PLEKHH2: variants seen among roughly 807,000 people sequenced by gnomAD.
PLEKHH2 encodes the protein pleckstrin homology, MyTH4 and FERM domain containing H2.
In PLEKHH2, 129 loss-of-function variants were observed where a neutral mutation model predicts 187.9. The ratio of observed to expected loss-of-function variants is 0.69; its 90% CI spans 0.59 to 0.79. The LOEUF is 0.79. PLEKHH2 is among the 30% of genes least tolerant of loss of function. The pLI is 0.00. For synonymous variants in PLEKHH2, 686 were observed against 605.6 expected (o/e 1.13, Z -1.95); for missense variants, 2,076 against 1,751.2 (o/e 1.19, Z -3.31).
chr2:43,764,405 G>T (rs368842927), intron 29 of PLEKHH2, 40 bp downstream of exon 29: 2 of 1,595,014 alleles, frequency 1.3e-6, no homozygotes, highest in East Asian at 2.3e-5. Context: ...TGTCCTAGTT[G>T]TTTTCACTTA....
At chr2:43,645,899 G>A (rs1666160488) in intron 2 of PLEKHH2, among the ~76,000 whole-genome samples, 1 of 152,016 alleles carries the variant, frequency 6.6e-6, no homozygotes, top group Non-Finnish European at 1.5e-5. Flanking sequence ...GATGGAGATT[G>A]GTACATGTAT....
chr2:43,719,398 T>C (rs1385175617), intron 15 of PLEKHH2, among the ~76,000 whole-genome samples: 1 of 152,226 alleles, frequency 6.6e-6, no homozygotes, highest in East Asian at 1.9e-4. Flanking sequence ...ATGAATCTTT[T>C]ACATTTGGGA....
chr2:43,694,548 C>T (rs1181335514), intron 5 of PLEKHH2, 34 bp downstream of exon 5: 2 of 1,487,414 alleles, frequency 1.3e-6, no homozygotes, highest in Non-Finnish European at 1.8e-6. Context: ...TTTTCTTTAC[C>T]TTTTACTTCT....
chr2:43,749,635 G>C (rs1039702051), intron 24 of PLEKHH2, among the ~76,000 whole-genome samples: 1 of 152,160 alleles, frequency 6.6e-6, no homozygotes, highest in African/African-American at 2.4e-5. Context: ...CAACTGAAAG[G>C]CTTGATTTTT....
intron 7 of PLEKHH2, 143 bp from the exon 8 acceptor site, chr2:43,699,504 A>C: frequency 4.0e-6 from 4 of 990,562 alleles, no homozygotes; most frequent in Non-Finnish European, 5.9e-6. Context: ...CAGCCTCCCA[A>C]GTAGCTGGGA....
chr2:43,752,462 A>G (rs1672047514), intron 24 of PLEKHH2, among the ~76,000 whole-genome samples: 1 of 152,132 alleles, frequency 6.6e-6, no homozygotes, highest in South Asian at 2.1e-4. Context: ...AGAGATTCAG[A>G]CCTGCTGCCC....
intron 6 of PLEKHH2, among the ~76,000 whole-genome samples, chr2:43,696,641 C>T (rs540596942): frequency 1.3e-5 from 2 of 152,032 alleles, no homozygotes; most frequent in South Asian, 4.2e-4. Flanking sequence ...TTACCATAGA[C>T]CCAACCTCCC....
intron 19 of PLEKHH2, among the ~76,000 whole-genome samples, chr2:43,735,969 A>G (rs1671270402): frequency 1.3e-5 from 2 of 152,208 alleles, no homozygotes. Context: ...GAAATTTTAG[A>G]AACATTTCCA....
intron 15 of PLEKHH2, among the ~76,000 whole-genome samples, chr2:43,720,167 C>G (rs1188043084): frequency 6.6e-6 from 1 of 152,184 alleles, no homozygotes; most frequent in Non-Finnish European, 1.5e-5. Flanking sequence ...CTTTATCCAT[C>G]TGTGAAACCT....
rs1234276578 is a variant in PLEKHH2, at chr2:43,699,707, G to A, written c.749G>A (p.Arg250Lys). The part of the protein sequence containing the change: ...NQVLENNRGQ[R>K]TLHQTPCGSE... ...GTTCTAGAAAACAACAGAGGCCAGAGAACATTGCATCAAACCCCTTGTGGC... is the reference window on the plus strand; with the variant it reads ...GTTCTAGAAAACAACAGAGGCCAGAAAACATTGCATCAAACCCCTTGTGGC... The change falls in exon 8 of 30, where the codon AGA becomes AAA. Residue 250 changes from arginine (R) to lysine (K), a missense_variant. Arg to Lys is a conservative substitution (Grantham distance 26). Transcript: ENST00000282406. 6.2e-7 allele frequency: 1 copy of A among 1,614,184 alleles called. No individual in the cohort carries two copies. Among genetic ancestry groups the A allele is most frequent in the East Asian group, 2.2e-5 (1 of 44,890 alleles).
intron 2 of PLEKHH2, among the ~76,000 whole-genome samples, chr2:43,677,714 T>G (rs970896410): frequency 6.6e-6 from 1 of 151,596 alleles, no homozygotes; most frequent in African/African-American, 2.4e-5. Flanking sequence ...AGCTGTTGGG[T>G]ACACCTCCAA....
At chr2:43,760,653 G>A (rs1156775468) in intron 27 of PLEKHH2, among the ~76,000 whole-genome samples, 3 of 152,110 alleles carry the variant, frequency 2.0e-5, no homozygotes, top group South Asian at 2.1e-4. Flanking sequence ...GTGAGCCACC[G>A]CATCTGGCCC....
At chr2:43,637,717 C>T (rs1393848388) in intron 1 of PLEKHH2, among the ~76,000 whole-genome samples, 2 of 152,138 alleles carry the variant, frequency 1.3e-5, no homozygotes, top group African/African-American at 4.8e-5. Flanking sequence ...GTCCCGGGGG[C>T]GCAGCGGGGC....
At chr2:43,706,755 CCTT>C (rs905152041) in intron 10 of PLEKHH2, among the ~76,000 whole-genome samples, 3 of 152,114 alleles carry the variant, frequency 2.0e-5, no homozygotes, top group African/African-American at 7.2e-5. Flanking sequence ...CCAGGGTACC[CCTT>C]CCTTGCTTGA....
intron 3 of PLEKHH2, 68 bp downstream of exon 3, chr2:43,678,993 A>G (rs1668022570): frequency 2.8e-6 from 3 of 1,080,632 alleles, no homozygotes; most frequent in Middle Eastern, 3.0e-4. Context: ...TTTGCTCATA[A>G]TGGAAAGACA....
Position 43,746,699 on chromosome 2 carries a change from T to C in PLEKHH2, c.3653+736T>C, listed in dbSNP as rs185278093. On this transcript the variant is annotated intron_variant, in intron 24 of 29. Coordinates refer to ENST00000282406, the MANE Select transcript of PLEKHH2 (RefSeq NM_172069.4). ...ATACTTCAATACCCTACTACAGATCTGTAGTAAGAAGAGATACCTATGTTT... is the reference window on the plus strand; with the variant it reads ...ATACTTCAATACCCTACTACAGATCCGTAGTAAGAAGAGATACCTATGTTT... Among the ~76,000 whole-genome samples the C allele has an allele frequency of 1.4e-4, 22 of 152,266 alleles. No individual in the cohort carries two copies. The East Asian group carries it at 3.9e-3, about 27-fold the overall frequency.
At chr2:43,704,189 G>C in intron 9 of PLEKHH2, 133 bp downstream of exon 9, 1 of 602,458 alleles carries the variant, frequency 1.7e-6, no homozygotes, top group Non-Finnish European at 2.7e-6. Context: ...GGTGTTTAAA[G>C]GGTCAAATTC....
intron 2 of PLEKHH2, among the ~76,000 whole-genome samples, chr2:43,659,766 C>A (rs965449923): frequency 6.6e-6 from 1 of 152,008 alleles, no homozygotes. Context: ...ACCCTGTTGG[C>A]CAGGCTGGTC....
intron 20 of PLEKHH2, among the ~76,000 whole-genome samples, chr2:43,740,659 G>A (rs1209160940): frequency 6.6e-6 from 1 of 152,110 alleles, no homozygotes; most frequent in South Asian, 2.1e-4. Flanking sequence ...AAGAAACAAT[G>A]TTCCTAATCT....
Sources: allele counts gnomAD v4.1 joint callset (sites outside exome capture counted in the v4.1 genomes callset), GRCh38; gene constraint gnomAD v4.1.1; transcripts MANE v1.5; gene names NCBI Gene and HGNC (gene_info 2026-07-23, HGNC 2026-07-21).